FAM110A: variants seen among roughly 807,000 people sequenced by gnomAD.
The protein encoded by FAM110A is protein FAM110A.
In FAM110A, 1 loss-of-function variant was observed where a neutral mutation model predicts 4.0. The ratio of observed to expected loss-of-function variants is 0.25; its 90% CI spans 0.09 to 1.20. The LOEUF is 1.20. FAM110A is among the 50% of genes most tolerant of loss of function. FAM110A has a pLI of 0.50. For missense variants in FAM110A, 436 were observed against 429.2 expected (o/e 1.02, Z -0.14); for synonymous variants, 217 against 196.8 (o/e 1.10, Z -0.86).
intron 1 of FAM110A, among the ~76,000 whole-genome samples, chr20:842,585 G>C (rs908191947): frequency 8.5e-5 from 13 of 152,156 alleles, no homozygotes; most frequent in African/African-American, 2.7e-4. Context: ...CTTGGGAGCA[G>C]CACCCAAGGA....
intron 1 of FAM110A, among the ~76,000 whole-genome samples, chr20:835,422 A>G (rs1469753760): frequency 6.6e-6 from 1 of 151,990 alleles, no homozygotes; most frequent in African/African-American, 2.4e-5. Context: ...AGGGCAGTCT[A>G]GGATAGGAAG....
Position 845,172 on chromosome 20 carries a change from C to T in FAM110A, c.368C>T (p.Ala123Val). 1.3e-6 allele frequency: 2 copies of T among 1,570,788 alleles called. No individual in the cohort carries two copies. The highest frequency in any genetic ancestry group is 8.6e-7 in the Non-Finnish European group (1 of 1,162,296). Reference sequence around the variant, plus strand: ...GACAGCCCCGTGTCCCCTGCCGAGGCCAGCCGCACTCCTGGACGGGCCGAG... The same window carrying T: ...GACAGCCCCGTGTCCCCTGCCGAGGTCAGCCGCACTCCTGGACGGGCCGAG... ...LCDSPVSPAEASRTPGRAEGA... is the reference protein window; with the variant it reads ...LCDSPVSPAEVSRTPGRAEGA... Residue 123 changes from alanine (A) to valine (V), a missense_variant, in exon 2 of 2, where the codon GCC becomes GTC. By Grantham distance (64) the Ala-to-Val change is moderately conservative (BLOSUM62 0). Transcript: ENST00000381941.
In FAM110A at chr20:844,687, TTTCTC is replaced by T; in HGVS notation, c.-97-19_-97-15del. 1 of 1,298,578 alleles carries T rather than the reference TTTCTC, an allele frequency of 7.7e-7. No individual in the cohort carries two copies. The highest frequency in any genetic ancestry group is 2.4e-5 in the South Asian group (1 of 41,608). 80.4% of individuals were successfully genotyped at this position (1,298,578 alleles called of 1,614,324 possible). A position where few individuals can be genotyped will look rare whatever the true frequency, so the allele number is the denominator to read the frequency against. On this transcript the variant is annotated splice_polypyrimidine_tract_variant and intron_variant, in intron 1 of 1. Transcript: ENST00000381941. ...TGAGCGCGCTCGGCTTTTTTTTTTT[TTTCTC>T]TCTCCTTCCCTGCAGCAGTGGCCGG...
chr20:842,841 G>A (rs568581885), intron 1 of FAM110A, among the ~76,000 whole-genome samples: 1 of 152,212 alleles, frequency 6.6e-6, no homozygotes, highest in East Asian at 1.9e-4. Flanking sequence ...AGGGTACCTA[G>A]ATGTCTAGTT....
rs181959765 is a variant in FAM110A, at chr20:843,699, G to A, written c.-97-1009G>A. ...CCAAGGGGCCTTGTGGGGTGACTCT[G>A]TGGGCTTGGCCCTTCCTTGGAAACA... On this transcript the variant is annotated intron_variant, in intron 1 of 1. Transcript: ENST00000381941. Among the ~76,000 whole-genome samples, 22 of 152,300 alleles carry A rather than the reference G, an allele frequency of 1.4e-4. No homozygotes were observed. In the East Asian group the frequency reaches 4.1e-3, roughly 28 times the overall value.
Position 845,730 on chromosome 20 carries a change from T to TA in FAM110A, c.*39dup. The TA allele has an allele frequency of 3.7e-6, 6 of 1,612,294 alleles. No homozygotes were observed. The highest frequency in any genetic ancestry group is 5.1e-6 in the Non-Finnish European group (6 of 1,179,306). The stretch of plus-strand genomic sequence containing the variant: ...CTGGAATTCGCCACAGGACGGATCT[T>TA]ACAGAGGCAAGTGGTCCCTGGACCT... On this transcript the variant is annotated 3_prime_UTR_variant, in exon 2 of 2. Coordinates refer to ENST00000381941, the MANE Select transcript of FAM110A (RefSeq NM_001042353.3).
chr20:844,691 T>C lies in FAM110A; in HGVS notation c.-97-17T>C, dbSNP rs1287638611. 2 of 1,241,708 alleles carry C rather than the reference T, an allele frequency of 1.6e-6. No individual in the cohort carries two copies. Among genetic ancestry groups the C allele is most frequent in the East Asian group, 3.1e-5 (1 of 32,266 alleles). The allele number at this position is 1,241,708 out of a possible 1,614,324, so 76.9% of individuals were successfully genotyped here. A position where few individuals can be genotyped will look rare whatever the true frequency, so the allele number is the denominator to read the frequency against. On this transcript the variant is annotated splice_polypyrimidine_tract_variant and intron_variant, in intron 1 of 1. Coordinates refer to ENST00000381941, the MANE Select transcript of FAM110A (RefSeq NM_001042353.3). ...CGCGCTCGGCTTTTTTTTTTTTTTC[T>C]CTCTCCTTCCCTGCAGCAGTGGCCG...
chr20:837,682 T>C lies in FAM110A; in HGVS notation c.-98+3731T>C, dbSNP rs555892144. 1.9e-3 allele frequency among the ~76,000 whole-genome samples: 286 copies of C among 152,242 alleles called. 1 individual carries two copies. Among genetic ancestry groups the C allele is most frequent in the Non-Finnish European group, 3.3e-3 (224 of 68,022 alleles). On this transcript the variant is annotated intron_variant, in intron 1 of 1. Coordinates refer to ENST00000381941, the MANE Select transcript of FAM110A (RefSeq NM_001042353.3). ...GAGTCCATGCTATACCTTACAGATA[T>C]GGCCAGGGGGATGGAGTAGTGAAGA...
intron 1 of FAM110A, among the ~76,000 whole-genome samples, chr20:842,238 G>T (rs1164903478): frequency 2.6e-5 from 4 of 152,230 alleles, no homozygotes; most frequent in African/African-American, 9.6e-5. Context: ...CAAACCCGGG[G>T]TTGGCTCTCG....
intron 1 of FAM110A, among the ~76,000 whole-genome samples, chr20:843,131 T>C (rs555025): frequency 0.25 from 37,672 of 151,700 alleles, 4,946 homozygotes; most frequent in African/African-American, 0.33. Flanking sequence ...GGGTCAGGAG[T>C]GCCGGGGAGA....
chr20:845,581 G>A lies in FAM110A; in HGVS notation c.777G>A (p.Arg259=). 1 of 1,614,012 alleles carries A rather than the reference G, an allele frequency of 6.2e-7. No homozygotes were observed. The highest frequency in any genetic ancestry group is 8.5e-7 in the Non-Finnish European group (1 of 1,179,996). ...SRRSSVTVEE[R]ARERVPYGVS... ...GCAGCTCGGTGACTGTTGAGGAGCGGGCCCGGGAGCGCGTTCCCTATGGCG... is the reference window on the plus strand; with the variant it reads ...GCAGCTCGGTGACTGTTGAGGAGCGAGCCCGGGAGCGCGTTCCCTATGGCG... Residue 259 remains arginine (R), a synonymous_variant, in exon 2 of 2, where the codon CGG becomes CGA. Transcript: ENST00000381941.
rs1438015908 is a variant in FAM110A, at chr20:834,866, G to A, written c.-98+915G>A. On this transcript the variant is annotated intron_variant, in intron 1 of 1. Coordinates refer to ENST00000381941, the MANE Select transcript of FAM110A (RefSeq NM_001042353.3). The surrounding 1 kb of genome is among the most constrained non-coding windows in gnomAD (Gnocchi z 5.6). ...GCCTGCCCCTGGCTTTGGGGGACAG[G>A]ATCTCCGAGGACTCAGAAAGAAAAC... is the stretch of plus-strand genomic sequence containing the variant. Among the ~76,000 whole-genome samples, 1 of 152,130 alleles carries A rather than the reference G, an allele frequency of 6.6e-6. No individual in the cohort carries two copies. Among genetic ancestry groups the A allele is most frequent in the East Asian group, 1.9e-4 (1 of 5,182 alleles).
At position 845,223 on chromosome 20, in the gene FAM110A, C is replaced by T. The variant is rs1980236080; in HGVS notation, c.419C>T (p.Thr140Ile). 1 of 1,539,464 alleles carries T rather than the reference C, an allele frequency of 6.5e-7. No individual in the cohort carries two copies. The highest frequency in any genetic ancestry group is 1.2e-5 in the South Asian group (1 of 82,294). Residue 140 changes from threonine (T) to isoleucine (I), a missense_variant, in exon 2 of 2, where the codon ACC becomes ATC. Physicochemically the swap from Thr to Ile is moderately conservative, Grantham distance 89. Coordinates refer to ENST00000381941, the MANE Select transcript of FAM110A (RefSeq NM_001042353.3). ...AEGAGRPPPA[T>I]PPRPPPSTSA... is the part of the protein sequence containing the mutation. ...GGAGCCGGCCGTCCTCCCCCAGCCACCCCTCCGCGACCGCCGCCCAGTACC... is the reference window on the plus strand; with the variant it reads ...GGAGCCGGCCGTCCTCCCCCAGCCATCCCTCCGCGACCGCCGCCCAGTACC...
intron 1 of FAM110A, chr20:839,488 T>TA: frequency 1.1e-6 from 1 of 948,910 alleles, no homozygotes; most frequent in Non-Finnish European, 1.7e-6. Context: ...CATCTGCCTC[T>TA]AAACTGGAAT....
intron 1 of FAM110A, among the ~76,000 whole-genome samples, chr20:844,043 T>C (rs1257542264): frequency 6.6e-6 from 1 of 152,186 alleles, no homozygotes; most frequent in African/African-American, 2.4e-5. Context: ...TTTTCTTTGC[T>C]CCTTCCCTAT....
chr20:837,052 T>TTTG (rs1555787726), intron 1 of FAM110A, among the ~76,000 whole-genome samples: 14 of 140,934 alleles, frequency 9.9e-5, no homozygotes, highest in East Asian at 8.0e-4. Context: ...ATTGTTTTTT[T>TTTG]TTTTTTTTTT....
Position 845,256 on chromosome 20 carries a change from T to C in FAM110A, c.452T>C (p.Val151Ala), listed in dbSNP as rs1230352409. Reference sequence around the variant, plus strand: ...CGACCGCCGCCCAGTACCTCTGCGGTCCGCCGGGTGGACGTCCGCCCCCTG... The same window carrying C: ...CGACCGCCGCCCAGTACCTCTGCGGCCCGCCGGGTGGACGTCCGCCCCCTG... ...PPRPPPSTSAVRRVDVRPLPA... is the reference protein window; with the variant it reads ...PPRPPPSTSAARRVDVRPLPA... The change falls in exon 2 of 2, where the codon GTC becomes GCC. Residue 151 changes from valine to alanine, a missense_variant. Coordinates refer to ENST00000381941, the MANE Select transcript of FAM110A (RefSeq NM_001042353.3). 1.3e-6 allele frequency: 2 copies of C among 1,493,706 alleles called. No individual in the cohort carries two copies. Among genetic ancestry groups the C allele is most frequent in the Non-Finnish European group, 1.8e-6 (2 of 1,125,022 alleles). 92.5% of individuals were successfully genotyped at this position (1,493,706 alleles called of 1,614,324 possible). A position where few individuals can be genotyped will look rare whatever the true frequency, so the allele number is the denominator to read the frequency against.
chr20:835,730 C>A (rs545817024), intron 1 of FAM110A, among the ~76,000 whole-genome samples: 2 of 152,338 alleles, frequency 1.3e-5, no homozygotes, highest in East Asian at 3.9e-4. Flanking sequence ...GTCTGGGAGG[C>A]CTCCAGAAAT....
At position 845,544 on chromosome 20, in the gene FAM110A, G is replaced by A. The variant is rs766841511; in HGVS notation, c.740G>A (p.Gly247Asp). The change falls in exon 2 of 2, where the codon GGC becomes GAC. Residue 247 changes from glycine (G) to aspartate (D), a missense_variant. Transcript: ENST00000381941. ...PSAGPGSSEG[G>D]CSRRSSVTVE... is the part of the protein sequence containing the mutation. ...GCTGGGCCGGGCAGCTCTGAAGGGG[G>A]CTGCTCCCGCCGCAGCTCGGTGACT... 1.2e-6 allele frequency: 2 copies of A among 1,612,976 alleles called. No individual in the cohort carries two copies. Among genetic ancestry groups the A allele is most frequent in the Admixed American group, 1.7e-5 (1 of 59,916 alleles).
Sources: allele counts gnomAD v4.1 joint callset (sites outside exome capture counted in the v4.1 genomes callset), GRCh38; gene constraint gnomAD v4.1.1; non-coding constraint Gnocchi (gnomAD v3.1); transcripts MANE v1.5; gene names NCBI Gene and HGNC (gene_info 2026-07-23, HGNC 2026-07-21).